The following FGGY variants were observed in gnomAD, a reference collection of about 807,000 sequenced individuals.
FGGY encodes the protein FGGY carbohydrate kinase domain containing.
FGGY carries 72 observed loss-of-function variants against 71.3 expected under a neutral mutation model. The observed-to-expected ratio is 1.01, with a 90% CI of 0.84 to 1.23. The LOEUF is 1.23. FGGY is among the 50% of genes most tolerant of loss of function. The pLI is 0.00. For missense variants in FGGY, 668 were observed against 682.3 expected (o/e 0.98, Z 0.23); for synonymous variants, 251 against 250.3 (o/e 1.00, Z -0.02).
At chr1:59,304,767 A>G (rs966253458) in intron 1 of FGGY, among the ~76,000 whole-genome samples, 5 of 152,060 alleles carry the variant, frequency 3.3e-5, no homozygotes, top group Admixed American at 3.3e-4. Context: ...AGTTTTCAAT[A>G]TACAAATCTT....
In FGGY at chr1:59,383,187, T is replaced by C. The variant is rs533160285; in HGVS notation, c.554+4350T>C. 4.6e-5 allele frequency among the ~76,000 whole-genome samples: 7 copies of C among 152,306 alleles called. No individual in the cohort carries two copies. In the East Asian group the frequency reaches 1.3e-3, roughly 29 times the overall value. On this transcript the variant is annotated intron_variant, in intron 5 of 15. Coordinates refer to ENST00000303721, the MANE Select transcript of FGGY (RefSeq NM_018291.5). ...AGTTGGAGTATAGGAATTACCTGAA[T>C]GATTTGTTCAAAACATGTATCCCCA...
At chr1:59,674,957 C>T (rs1468412162) in intron 14 of FGGY, among the ~76,000 whole-genome samples, 2 of 152,220 alleles carry the variant, frequency 1.3e-5, no homozygotes, top group East Asian at 3.8e-4. Flanking sequence ...CTTCTCTGTA[C>T]TTCCACTCCT....
intron 10 of FGGY, among the ~76,000 whole-genome samples, chr1:59,637,974 C>T (rs1397441438): frequency 6.6e-6 from 1 of 152,168 alleles, no homozygotes; most frequent in Non-Finnish European, 1.5e-5. Flanking sequence ...ATAACTTTCT[C>T]ATGGCCATAC....
intron 14 of FGGY, among the ~76,000 whole-genome samples, chr1:59,740,038 C>G (rs2098135042): frequency 6.6e-6 from 1 of 152,046 alleles, no homozygotes; most frequent in Admixed American, 6.6e-5. Flanking sequence ...TGTGTGTGGC[C>G]CTTTCCCTAC....
At chr1:59,514,135 A>G (rs2094582325) in intron 7 of FGGY, among the ~76,000 whole-genome samples, 1 of 152,212 alleles carries the variant, frequency 6.6e-6, no homozygotes, top group Non-Finnish European at 1.5e-5. Flanking sequence ...AGGTCTAGGC[A>G]GACATGGAGT....
chr1:59,591,771 C>G (rs770666126), intron 8 of FGGY, among the ~76,000 whole-genome samples: 23 of 152,148 alleles, frequency 1.5e-4, no homozygotes, highest in Non-Finnish European at 2.8e-4. Context: ...TTCCTTACAC[C>G]TTATACAAAA....
chr1:59,396,709 GAA>G (rs2061369892), intron 5 of FGGY, among the ~76,000 whole-genome samples: 3 of 152,158 alleles, frequency 2.0e-5, no homozygotes, highest in African/African-American at 7.2e-5. Flanking sequence ...GTGATTCTAG[GAA>G]AGTAATTTTT....
intron 5 of FGGY, among the ~76,000 whole-genome samples, chr1:59,409,989 G>T (rs1457461053): frequency 6.6e-6 from 1 of 152,136 alleles, no homozygotes; most frequent in African/African-American, 2.4e-5. Context: ...GACACAGTAG[G>T]TGACACCAGG....
intron 11 of FGGY, among the ~76,000 whole-genome samples, chr1:59,656,161 C>A (rs759535963): frequency 6.6e-6 from 1 of 152,128 alleles, no homozygotes; most frequent in Non-Finnish European, 1.5e-5. Flanking sequence ...ACCCTTGCAA[C>A]TCTCACATCG....
chr1:59,746,378 A>G (rs1435952077), intron 14 of FGGY, among the ~76,000 whole-genome samples: 1 of 152,218 alleles, frequency 6.6e-6, no homozygotes, highest in Admixed American at 6.5e-5. Context: ...ACCTTTCAAT[A>G]AAGTTTCTGG....
At chr1:59,745,439 A>T (rs1354713924) in intron 14 of FGGY, among the ~76,000 whole-genome samples, 3 of 152,170 alleles carry the variant, frequency 2.0e-5, no homozygotes, top group African/African-American at 7.2e-5. Context: ...TAATATTATC[A>T]CACATTTTGA....
At chr1:59,405,813 C>A (rs2062645962) in intron 5 of FGGY, among the ~76,000 whole-genome samples, 1 of 152,126 alleles carries the variant, frequency 6.6e-6, no homozygotes, top group Middle Eastern at 3.2e-3. Flanking sequence ...GAGACTGCTC[C>A]TCATGTCACA....
chr1:59,662,245 G>A lies in FGGY; in HGVS notation c.1296+1952G>A, dbSNP rs113726339. On this transcript the variant is annotated intron_variant, in intron 12 of 15. Transcript: ENST00000303721. ...TGAGGCAGGAGAATGGCATGAACCC[G>A]GGAGGCGGAGCTTGCAGTGAACTGA... Among the ~76,000 whole-genome samples the A allele has an allele frequency of 1.2e-3, 185 of 150,724 alleles. 1 individual carries two copies. Among genetic ancestry groups the A allele is most frequent in the African/African-American group, 4.2e-3 (173 of 41,138 alleles).
chr1:59,748,423 T>C (rs57330739), intron 14 of FGGY, among the ~76,000 whole-genome samples: 2,014 of 152,244 alleles, frequency 0.013, 60 homozygotes, highest in African/African-American at 0.046. Flanking sequence ...CTAAATCATA[T>C]GGAAAAAGCC....
At chr1:59,361,349 G>A (rs1478749853) in intron 4 of FGGY, among the ~76,000 whole-genome samples, 1 of 152,186 alleles carries the variant, frequency 6.6e-6, no homozygotes, top group South Asian at 2.1e-4. Flanking sequence ...CATTAGTGCA[G>A]TGGGAACTTG....
intron 12 of FGGY, among the ~76,000 whole-genome samples, chr1:59,661,314 A>C (rs1002735000): frequency 4.6e-5 from 7 of 152,212 alleles, no homozygotes; most frequent in African/African-American, 1.7e-4. Context: ...GCAATAAAGA[A>C]TGGAACCTCC....
intron 8 of FGGY, among the ~76,000 whole-genome samples, chr1:59,592,931 A>C (rs972492853): frequency 2.6e-4 from 40 of 152,158 alleles, no homozygotes; most frequent in African/African-American, 9.7e-4. Context: ...AACTTCAACT[A>C]TAGTAATAAT....
chr1:59,400,600 C>T (rs142178286), intron 5 of FGGY, among the ~76,000 whole-genome samples: 3 of 144,250 alleles, frequency 2.1e-5, no homozygotes, highest in South Asian at 4.4e-4. Flanking sequence ...GATGATTTGT[C>T]ATTAGTGTTC....
chr1:59,409,244 G>T (rs1178323499), intron 5 of FGGY, among the ~76,000 whole-genome samples: 1 of 152,158 alleles, frequency 6.6e-6, no homozygotes, highest in Non-Finnish European at 1.5e-5. Context: ...TAGAAGTTGT[G>T]CTGCAGCTTG....
Sources: allele counts gnomAD v4.1 joint callset (sites outside exome capture counted in the v4.1 genomes callset), GRCh38; gene constraint gnomAD v4.1.1; transcripts MANE v1.5; gene names NCBI Gene and HGNC (gene_info 2026-07-23, HGNC 2026-07-21).